Variants in DPYD observed in about 807,000 individuals in gnomAD.
The protein encoded by DPYD is dihydropyrimidine dehydrogenase [NADP(+)].
DPYD carries 109 observed loss-of-function variants against 116.2 expected under a neutral mutation model. That is an observed-to-expected ratio of 0.94 (90% CI 0.80 to 1.10). The LOEUF is 1.10. Ranked by LOEUF, DPYD falls within the 50% of genes least tolerant of loss-of-function variation. DPYD has a pLI of 0.00. For synonymous variants in DPYD, 440 were observed against 432.0 expected (o/e 1.02, Z -0.23); for missense variants, 1,302 against 1,254.5 (o/e 1.04, Z -0.57).
rs34547572 is a variant in DPYD, at chr1:97,420,681, T to C, written c.1905+29378A>G. ...CCATCATGTCTGCTATTCTCCCATCTGTATTCAGCACTCAGGCAGTACAGA... is the reference window on the plus strand; with the variant it reads ...CCATCATGTCTGCTATTCTCCCATCCGTATTCAGCACTCAGGCAGTACAGA... On this transcript the variant is annotated intron_variant, in intron 14 of 22. Coordinates refer to ENST00000370192, the MANE Select transcript of DPYD (RefSeq NM_000110.4). 2.6e-5 allele frequency among the ~76,000 whole-genome samples: 4 copies of C among 152,292 alleles called. No individual in the cohort carries two copies. The South Asian group carries it at 8.3e-4, about 32-fold the overall frequency.
At chr1:97,079,816 G>T (rs921506350) in intron 22 of DPYD, among the ~76,000 whole-genome samples, 3 of 151,912 alleles carry the variant, frequency 2.0e-5, no homozygotes, top group Admixed American at 6.6e-5. Flanking sequence ...GCTCTGAAAC[G>T]GCTTAGGATT....
intron 19 of DPYD, among the ~76,000 whole-genome samples, chr1:97,193,486 G>A (rs145973978): frequency 4.7e-4 from 71 of 152,208 alleles, no homozygotes; most frequent in African/African-American, 1.7e-3. Flanking sequence ...TGGTGTCACA[G>A]GTATATACAT....
At chr1:97,446,993 T>C (rs748286453) in intron 14 of DPYD, among the ~76,000 whole-genome samples, 4 of 152,112 alleles carry the variant, frequency 2.6e-5, no homozygotes, top group Non-Finnish European at 2.9e-5. Context: ...AGTGTGAATG[T>C]AGGCTTTGGT....
chr1:97,382,382 G>T lies in DPYD; in HGVS notation c.1974+11C>A. 6.4e-7 allele frequency: 1 copy of T among 1,551,442 alleles called. No homozygotes were observed. Among genetic ancestry groups the T allele is most frequent in the African/African-American group, 1.4e-5 (1 of 73,526 alleles). ...AGAAATAAAATAAATATATACTAAA[G>T]TAACCATTACCTCAGACTTCTTGGC... On this transcript the variant is annotated intron_variant, in intron 15 of 22. Transcript: ENST00000370192.
In DPYD at chr1:97,218,326, C is replaced by A. The variant is rs552267549; in HGVS notation, c.2442+16526G>T. 2.0e-5 allele frequency among the ~76,000 whole-genome samples: 3 copies of A among 152,062 alleles called. No individual in the cohort carries two copies. The South Asian group carries it at 6.2e-4, about 32-fold the overall frequency. ...ATTAAGAATGAGGAAACTGAATGTA[C>A]TGATTTATGAAGAAAAAACAAAAAA... On this transcript the variant is annotated intron_variant, in intron 19 of 22. Transcript: ENST00000370192.
intron 12 of DPYD, among the ~76,000 whole-genome samples, chr1:97,541,383 T>A (rs1650443131): frequency 6.6e-6 from 1 of 152,162 alleles, no homozygotes; most frequent in Admixed American, 6.6e-5. Flanking sequence ...TAGGTGTTGG[T>A]CAAACCACTG....
At chr1:97,290,435 A>G (rs1372919175) in intron 18 of DPYD, among the ~76,000 whole-genome samples, 2 of 152,166 alleles carry the variant, frequency 1.3e-5, no homozygotes, top group Non-Finnish European at 2.9e-5. Context: ...ACTTCAAACT[A>G]TACTACAAGG....
At chr1:97,654,135 G>T (rs2100849353) in intron 8 of DPYD, among the ~76,000 whole-genome samples, 1 of 152,272 alleles carries the variant, frequency 6.6e-6, no homozygotes, top group South Asian at 2.1e-4. Flanking sequence ...GAATTGCACA[G>T]GGCCAAATAG....
intron 16 of DPYD, among the ~76,000 whole-genome samples, chr1:97,339,626 CAAGG>C (rs1669494432): frequency 6.6e-6 from 1 of 152,094 alleles, no homozygotes; most frequent in Non-Finnish European, 1.5e-5. Context: ...AGAAAATACT[CAAGG>C]AAGTACTCCC....
At chr1:97,680,644 T>C (rs1306063073) in intron 7 of DPYD, among the ~76,000 whole-genome samples, 2 of 152,154 alleles carry the variant, frequency 1.3e-5, no homozygotes, top group Non-Finnish European at 2.9e-5. Flanking sequence ...AGTAATAATA[T>C]ATGTAATCTG....
At chr1:97,154,254 A>G (rs1655261670) in intron 20 of DPYD, among the ~76,000 whole-genome samples, 1 of 152,208 alleles carries the variant, frequency 6.6e-6, no homozygotes, top group Non-Finnish European at 1.5e-5. Flanking sequence ...CCAAATGCCC[A>G]TCAATCAATG....
chr1:97,756,518 AAAG>A (rs1481284652), intron 3 of DPYD, among the ~76,000 whole-genome samples: 5 of 152,188 alleles, frequency 3.3e-5, no homozygotes, highest in African/African-American at 7.2e-5. Context: ...AATTAAACAG[AAAG>A]AAGAAGAGAA....
chr1:97,161,859 A>G (rs1011374336), intron 20 of DPYD, among the ~76,000 whole-genome samples: 17 of 151,346 alleles, frequency 1.1e-4, no homozygotes, highest in South Asian at 2.1e-4. Flanking sequence ...ACTGAGAATG[A>G]TGATTTCCAA....
intron 2 of DPYD, among the ~76,000 whole-genome samples, chr1:97,860,594 G>A (rs1431675519): frequency 6.6e-6 from 1 of 152,044 alleles, no homozygotes; most frequent in Non-Finnish European, 1.5e-5. Context: ...AAATCTTTAA[G>A]TTAAAAATAA....
At position 97,420,758 on chromosome 1, in the gene DPYD, G is replaced by A. The variant is rs993323515; in HGVS notation, c.1905+29301C>T. On this transcript the variant is annotated intron_variant, in intron 14 of 22. Transcript: ENST00000370192. ...TATTTTCTCAAACTTCAAAGGTACTGCATCACTCTGCTGGTAATGCCAGTG... is the reference window on the plus strand; with the variant it reads ...TATTTTCTCAAACTTCAAAGGTACTACATCACTCTGCTGGTAATGCCAGTG... Among the ~76,000 whole-genome samples the A allele has an allele frequency of 1.2e-4, 18 of 152,118 alleles. 1 individual carries two copies. Among genetic ancestry groups the A allele is most frequent in the Non-Finnish European group, 2.1e-4 (14 of 68,018 alleles).
At chr1:97,154,639 G>A (rs1314648073) in intron 20 of DPYD, among the ~76,000 whole-genome samples, 1 of 151,830 alleles carries the variant, frequency 6.6e-6, no homozygotes, top group Non-Finnish European at 1.5e-5. Context: ...AGCTACTGAG[G>A]GGTTGATGTT....
Position 97,225,957 on chromosome 1 carries a change from G to A in DPYD, c.2442+8895C>T, listed in dbSNP as rs1006878863. Among the ~76,000 whole-genome samples, 11 of 152,076 alleles carry A rather than the reference G, an allele frequency of 7.2e-5. No homozygotes were observed. The East Asian group carries it at 1.2e-3, about 16-fold the overall frequency. On this transcript the variant is annotated intron_variant, in intron 19 of 22. Transcript: ENST00000370192. ...TACTATAGGAAAAAAAGTATAGGCC[G>A]TATCTCTGATAAACATGGTTGCAAA...
chr1:97,791,781 A>C (rs1038488911), intron 3 of DPYD, among the ~76,000 whole-genome samples: 6 of 152,240 alleles, frequency 3.9e-5, no homozygotes, highest in Non-Finnish European at 7.3e-5. Context: ...AGCTATTCTG[A>C]TCACTAAAAT....
intron 20 of DPYD, among the ~76,000 whole-genome samples, chr1:97,159,040 G>A (rs1655695162): frequency 6.6e-6 from 1 of 152,016 alleles, no homozygotes; most frequent in South Asian, 2.1e-4. Context: ...ATATAAAATT[G>A]TCAGACATAG....
Sources: gnomAD v4.1 joint callset for allele counts (sites outside exome capture counted in the v4.1 genomes callset) on GRCh38, gnomAD v4.1.1 for gene constraint, MANE v1.5 for transcripts, NCBI Gene and HGNC (gene_info 2026-07-23, HGNC 2026-07-21) for gene names.